SLC4A1: variants seen among roughly 807,000 people sequenced by gnomAD.
SLC4A1 encodes the protein band 3 anion transport protein.
A neutral mutation model predicts 93.1 loss-of-function variants in SLC4A1; 29 were observed. The ratio of observed to expected loss-of-function variants is 0.31; its 90% CI spans 0.23 to 0.42. SLC4A1 has a LOEUF of 0.42. Ranked by LOEUF, SLC4A1 falls within the 20% of genes least tolerant of loss-of-function variation. The probability of loss-of-function intolerance (pLI) is 1.00; values close to 1 mark genes in which losing one functional copy is unlikely to be tolerated. For synonymous variants in SLC4A1, 469 were observed against 497.2 expected (o/e 0.94, Z 0.76); for missense variants, 965 against 1,190.1 (o/e 0.81, Z 2.78).
intron 13 of SLC4A1, among the ~76,000 whole-genome samples, chr17:44,256,846 T>C (rs2047393212): frequency 6.6e-6 from 1 of 152,222 alleles, no homozygotes; most frequent in Non-Finnish European, 1.5e-5. Context: ...TGTGCAGATG[T>C]GTGACTACAC....
chr17:44,253,031 T>G (rs1598296522), intron 17 of SLC4A1, 87 bp downstream of exon 17: 2 of 1,408,832 alleles, frequency 1.4e-6, no homozygotes, highest in African/African-American at 1.4e-5. Context: ...CTGGAGGAGG[T>G]GCTGGGTCCG....
chr17:44,256,141 A>G (rs1432684543), intron 13 of SLC4A1, among the ~76,000 whole-genome samples: 1 of 151,958 alleles, frequency 6.6e-6, no homozygotes, highest in Non-Finnish European at 1.5e-5. Flanking sequence ...TTCATCAATC[A>G]TCCATCCATC....
Position 44,251,189 on chromosome 17 carries a change from C to T in SLC4A1, c.2625G>A (p.Pro875=), listed in dbSNP as rs202243808. The change falls in exon 19 of 20, where the codon CCG becomes CCA. Residue 875 remains proline, a synonymous_variant. Transcript: ENST00000262418. ...GAAGCTCCACGTTCCTGAAGATGAG[C>T]GGCAGCAGGACGCGCCGCAGCGGCA... ...LTVPLRRVLL[P]LIFRNVELQC... is the part of the protein sequence containing the mutation. 6.5e-5 allele frequency: 105 copies of T among 1,610,592 alleles called. 1 individual carries two copies. The highest frequency in any genetic ancestry group is 5.0e-4 in the Middle Eastern group (3 of 5,994).
chr17:44,259,676 C>T (rs2047424163), intron 7 of SLC4A1, 95 bp from the exon 8 acceptor site: 9 of 1,534,756 alleles, frequency 5.9e-6, no homozygotes, highest in Non-Finnish European at 8.1e-6. Flanking sequence ...CCCAACTCTC[C>T]TGGCACCCCC....
intron 1 of SLC4A1, among the ~76,000 whole-genome samples, chr17:44,266,724 A>G (rs929546608): frequency 2.0e-5 from 3 of 152,150 alleles, no homozygotes; most frequent in African/African-American, 7.2e-5. Flanking sequence ...AGCACTGATA[A>G]GGGCCTGGAC....
intron 1 of SLC4A1, among the ~76,000 whole-genome samples, chr17:44,265,967 G>A (rs1161187560): frequency 2.0e-5 from 3 of 149,844 alleles, no homozygotes; most frequent in South Asian, 2.1e-4. Flanking sequence ...GCAACAGAGC[G>A]AGACTCCGTC....
intron 15 of SLC4A1, 40 bp downstream of exon 15, chr17:44,255,167 T>C: frequency 7.2e-7 from 1 of 1,389,274 alleles, no homozygotes. Context: ...AATGAGGACC[T>C]GGGGGGTATC....
In SLC4A1 at chr17:44,258,582, C is replaced by A. The variant is rs1196660376; in HGVS notation, c.918G>T (p.Glu306Asp). 3.1e-6 allele frequency: 5 copies of A among 1,611,806 alleles called. No homozygotes were observed. In the South Asian group the frequency reaches 3.3e-5, roughly 11 times the overall value. ...GGAAGCCCTCTAGGGAGTGCAGCAG[C>A]TCCCCTCGGCTCTGAGCCATGTAGG... is the stretch of plus-strand genomic sequence containing the variant. ...IDAYMAQSRG[E>D]LLHSLEGFLD... The change falls in exon 10 of 20, where the codon GAG (glutamate) becomes GAT (aspartate). Residue 306 changes from glutamate (E) to aspartate (D), a missense_variant. Glu to Asp is a conservative substitution (Grantham distance 45). Transcript: ENST00000262418. The surrounding 1 kb of genome is among the most constrained non-coding windows in gnomAD (Gnocchi z 6.1).
Position 44,248,761 on chromosome 17 carries a change from G to A in SLC4A1, c.*1697C>T, listed in dbSNP as rs1018328339. ...TCCCATGGACTGAGCTAGCCTGGGA[G>A]GTACAAATAATGTTACTCTATGTTG... On this transcript the variant is annotated 3_prime_UTR_variant, in exon 20 of 20. Coordinates refer to ENST00000262418, the MANE Select transcript of SLC4A1 (RefSeq NM_000342.4). 5 of 164,858 alleles carry A rather than the reference G, an allele frequency of 3.0e-5. No homozygotes were observed. The highest frequency in any genetic ancestry group is 1.2e-4 in the African/African-American group (5 of 41,112). The allele number at this position is 164,858 out of a possible 1,614,324, so 10.2% of individuals were successfully genotyped here. A position where few individuals can be genotyped will look rare whatever the true frequency, so the allele number is the denominator to read the frequency against.
chr17:44,262,811 G>T (rs997221732), intron 2 of SLC4A1, 41 bp downstream of exon 2: 7 of 1,610,396 alleles, frequency 4.3e-6, no homozygotes, highest in Non-Finnish European at 5.9e-6. Flanking sequence ...GGTCCCCAGA[G>T]CCTCCAGGTG....
At chr17:44,265,347 T>C (rs1045158114) in intron 1 of SLC4A1, among the ~76,000 whole-genome samples, 1 of 152,092 alleles carries the variant, frequency 6.6e-6, no homozygotes, top group African/African-American at 2.4e-5. Flanking sequence ...GAGGGGTCAC[T>C]GGCGCTAGCC....
Position 44,255,802 on chromosome 17 carries a change from C to T in SLC4A1, c.1671G>A (p.Val557=), listed in dbSNP as rs147838240. Residue 557 remains valine, a synonymous_variant, in exon 14 of 20, where the codon GTG becomes GTA. Transcript: ENST00000262418. ...HPLQKTYNYN[V]LMVPKPQGPL... ...GGCCCTGAGGTTTGGGCACCATCAA[C>T]ACGTTGTAGTTATAAGTCTTCTGTA... is the stretch of plus-strand genomic sequence containing the variant. 577 of 1,614,046 alleles carry T rather than the reference C, an allele frequency of 3.6e-4. No homozygotes were observed. Among genetic ancestry groups the T allele is most frequent in the Non-Finnish European group, 4.8e-4 (563 of 1,180,036 alleles).
In SLC4A1 at chr17:44,249,295, C is replaced by T. The variant is rs2047319292; in HGVS notation, c.*1163G>A. On this transcript the variant is annotated 3_prime_UTR_variant, in exon 20 of 20. Transcript: ENST00000262418. Reference sequence around the variant, plus strand: ...CATGTTCTTGGAGAGCCTGCTGTCTCCTACCCCAATTGGTCAGATCTGGGT... The same window carrying T: ...CATGTTCTTGGAGAGCCTGCTGTCTTCTACCCCAATTGGTCAGATCTGGGT... 4.8e-6 allele frequency: 2 copies of T among 414,204 alleles called. No homozygotes were observed. Among genetic ancestry groups the T allele is most frequent in the Admixed American group, 5.4e-5 (2 of 36,768 alleles). 25.7% of individuals were successfully genotyped at this position (414,204 alleles called of 1,614,324 possible). A position where few individuals can be genotyped will look rare whatever the true frequency, so the allele number is the denominator to read the frequency against.
intron 6 of SLC4A1, among the ~76,000 whole-genome samples, 187 bp downstream of exon 6, chr17:44,260,217 C>T (rs2047430302): frequency 6.6e-6 from 1 of 152,302 alleles, no homozygotes; most frequent in Non-Finnish European, 1.5e-5. Flanking sequence ...ACCAACAGCC[C>T]CCAACTCTGA....
chr17:44,253,298 C>T lies in SLC4A1; in HGVS notation c.2131G>A (p.Gly711Ser), dbSNP rs766559569. 1.1e-5 allele frequency: 18 copies of T among 1,613,948 alleles called. No individual in the cohort carries two copies. Among genetic ancestry groups the T allele is most frequent in the Admixed American group, 5.0e-5 (3 of 60,000 alleles). ...AAGAGGGCGGCCACCCCACCCATGC[C>T]TACTACCAGCAGCAGGTCCAGGTGG... ...GFHLDLLLVV[G>S]MGGVAALFGM... is the part of the protein sequence containing the mutation. Residue 711 changes from glycine to serine, a missense_variant, in exon 17 of 20, where the codon GGC becomes AGC. Coordinates refer to ENST00000262418, the MANE Select transcript of SLC4A1 (RefSeq NM_000342.4).
intron 13 of SLC4A1, 24 bp downstream of exon 13, chr17:44,257,326 A>G (rs2047397844): frequency 3.1e-6 from 5 of 1,610,620 alleles, no homozygotes; most frequent in Non-Finnish European, 4.2e-6. Flanking sequence ...TCCCGTGTGC[A>G]TTAACATCCC....
chr17:44,264,323 T>C (rs1253519918), intron 1 of SLC4A1, among the ~76,000 whole-genome samples: 2 of 152,108 alleles, frequency 1.3e-5, no homozygotes, highest in Non-Finnish European at 2.9e-5. Flanking sequence ...CTGGGTGTGG[T>C]GACGTATACC....
chr17:44,252,140 C>T (rs1313865089), intron 17 of SLC4A1, among the ~76,000 whole-genome samples: 1 of 148,634 alleles, frequency 6.7e-6, no homozygotes, highest in Non-Finnish European at 1.5e-5. Context: ...ACTTCAACCT[C>T]CGCCTCCTGG....
intron 6 of SLC4A1, 117 bp downstream of exon 6, chr17:44,260,287 T>C (rs1390844178): frequency 4.7e-6 from 6 of 1,284,554 alleles, no homozygotes; most frequent in Non-Finnish European, 6.6e-6. Context: ...TGGAGGAAAG[T>C]GGGCCCCTGC....
Sources: gnomAD v4.1 joint callset for allele counts (sites outside exome capture counted in the v4.1 genomes callset) on GRCh38, gnomAD v4.1.1 for gene constraint, Gnocchi (gnomAD v3.1) non-coding constraint, MANE v1.5 for transcripts, NCBI Gene and HGNC (gene_info 2026-07-23, HGNC 2026-07-21) for gene names.